DGKB: variants seen among roughly 807,000 people sequenced by gnomAD.
The protein encoded by DGKB is diacylglycerol kinase beta, also known as 90 kDa diacylglycerol kinase.
Under a neutral mutation model 114.3 loss-of-function variants are expected in DGKB, and 67 were observed. The observed-to-expected ratio is 0.59, with a 90% CI of 0.48 to 0.72. The LOEUF (loss-of-function observed/expected upper bound fraction) is 0.72. Among genes scored for constraint, DGKB ranks in the 30% least tolerant of loss-of-function variants. The pLI is 0.00. For missense variants in DGKB, 907 were observed against 975.2 expected (o/e 0.93, Z 0.93); for synonymous variants, 398 against 323.1 (o/e 1.23, Z -2.49).
chr7:14,950,792 A>C (rs1221384714), intron 1 of DGKB, among the ~76,000 whole-genome samples: 1 of 151,966 alleles, frequency 6.6e-6, no homozygotes, highest in Non-Finnish European at 1.5e-5. Context: ...ATACCACAAG[A>C]AAAAGTAGTA....
rs756586445 is a variant in DGKB, at chr7:14,338,499, T to G, written c.2122+16A>C. The G allele has an allele frequency of 6.6e-7, 1 of 1,522,206 alleles. No homozygotes were observed. Among genetic ancestry groups the G allele is most frequent in the East Asian group, 2.3e-5 (1 of 42,820 alleles). 94.3% of individuals were successfully genotyped at this position (1,522,206 alleles called of 1,614,324 possible). ...GGTTAACAAGCAATTTAACAACTAA[T>G]TGTTAGAAAACTGACCTTGACTTGC... On this transcript the variant is annotated intron_variant, in intron 23 of 25. Transcript: ENST00000402815.
chr7:14,949,103 T>G (rs139947371), intron 1 of DGKB, among the ~76,000 whole-genome samples: 1 of 151,788 alleles, frequency 6.6e-6, no homozygotes, highest in African/African-American at 2.4e-5. Flanking sequence ...AAGTGAAATT[T>G]TGCAAGCCAA....
At chr7:14,860,914 AT>A (rs916525844) in intron 1 of DGKB, among the ~76,000 whole-genome samples, 3 of 151,898 alleles carry the variant, frequency 2.0e-5, no homozygotes, top group African/African-American at 7.2e-5. Flanking sequence ...AAGATAATAG[AT>A]TTTTCTGAGA....
chr7:14,783,822 A>G (rs1305399296), intron 2 of DGKB, among the ~76,000 whole-genome samples: 1 of 152,208 alleles, frequency 6.6e-6, no homozygotes, highest in African/African-American at 2.4e-5. Context: ...GATGGCTTCT[A>G]AAGTAGAGAA....
At chr7:14,666,089 G>C (rs1483111132) in intron 13 of DGKB, among the ~76,000 whole-genome samples, 1 of 151,906 alleles carries the variant, frequency 6.6e-6, no homozygotes, top group East Asian at 1.9e-4. Context: ...TTCAATGTTA[G>C]TATAAATTTA....
intron 8 of DGKB, among the ~76,000 whole-genome samples, chr7:14,695,070 T>C (rs998662003): frequency 6.6e-6 from 1 of 152,158 alleles, no homozygotes. Context: ...GCAGAGAGCA[T>C]TGGAACAGAG....
At chr7:14,473,538 C>A (rs1410787569) in intron 21 of DGKB, among the ~76,000 whole-genome samples, 1 of 152,150 alleles carries the variant, frequency 6.6e-6, no homozygotes, top group African/African-American at 2.4e-5. Context: ...TACTGGGGCA[C>A]CACCTAGTGG....
intron 21 of DGKB, among the ~76,000 whole-genome samples, chr7:14,394,552 A>T (rs542411936): frequency 1.3e-5 from 2 of 152,260 alleles, no homozygotes; most frequent in South Asian, 4.1e-4. Flanking sequence ...TCATCAAGGG[A>T]TCCAGTGGCT....
At chr7:14,760,529 C>A (rs528111473) in intron 2 of DGKB, among the ~76,000 whole-genome samples, 20 of 152,138 alleles carry the variant, frequency 1.3e-4, no homozygotes, top group Admixed American at 5.2e-4. Flanking sequence ...TAATAAGGCA[C>A]TATTCTAAGT....
chr7:14,418,670 G>A (rs1826177865), intron 21 of DGKB, among the ~76,000 whole-genome samples: 1 of 151,754 alleles, frequency 6.6e-6, no homozygotes, highest in South Asian at 2.1e-4. Context: ...TGAAAAATGG[G>A]TTAGGCTTGC....
intron 21 of DGKB, among the ~76,000 whole-genome samples, chr7:14,469,354 C>G (rs968781612): frequency 1.3e-5 from 2 of 152,016 alleles, no homozygotes; most frequent in African/African-American, 4.8e-5. Flanking sequence ...GTATTTTATC[C>G]AAGCTTCAGA....
At chr7:14,252,614 G>T (rs1026755269) in intron 23 of DGKB, among the ~76,000 whole-genome samples, 1 of 152,102 alleles carries the variant, frequency 6.6e-6, no homozygotes, top group African/African-American at 2.4e-5. Context: ...TCAACCAGGC[G>T]CCAGGCTCCA....
intron 23 of DGKB, among the ~76,000 whole-genome samples, chr7:14,275,664 G>A (rs1798888651): frequency 6.6e-6 from 1 of 152,146 alleles, no homozygotes; most frequent in Non-Finnish European, 1.5e-5. Context: ...AGCAACAGCT[G>A]AAACAAATAC....
chr7:14,356,530 T>A (rs1814561125), intron 21 of DGKB, among the ~76,000 whole-genome samples: 1 of 151,668 alleles, frequency 6.6e-6, no homozygotes, highest in South Asian at 2.1e-4. Flanking sequence ...CCCAGCTAAT[T>A]TTTTGTATTT....
chr7:14,615,629 T>C (rs1203845431), intron 15 of DGKB, among the ~76,000 whole-genome samples: 1 of 151,818 alleles, frequency 6.6e-6, no homozygotes, highest in East Asian at 1.9e-4. Context: ...AATGATGATA[T>C]TCCACAAGTG....
At chr7:14,951,527 G>A (rs1340231708) in intron 1 of DGKB, among the ~76,000 whole-genome samples, 2 of 151,936 alleles carry the variant, frequency 1.3e-5, no homozygotes, top group African/African-American at 4.8e-5. Flanking sequence ...ATGAACAATC[G>A]AGGCACAGGA....
chr7:14,319,097 T>G (rs1167807716), intron 23 of DGKB, among the ~76,000 whole-genome samples: 1 of 132,878 alleles, frequency 7.5e-6, no homozygotes, highest in East Asian at 2.3e-4. Context: ...TGAGATCACA[T>G]GGACACAGGA....
intron 23 of DGKB, among the ~76,000 whole-genome samples, chr7:14,215,785 C>G (rs537568326): frequency 6.6e-6 from 1 of 152,196 alleles, no homozygotes; most frequent in African/African-American, 2.4e-5. Flanking sequence ...AGTGTTATTT[C>G]TCTGTGCAAT....
At chr7:14,641,361 A>G (rs1304825072) in intron 13 of DGKB, among the ~76,000 whole-genome samples, 1 of 151,912 alleles carries the variant, frequency 6.6e-6, no homozygotes, top group East Asian at 1.9e-4. Context: ...TTACAATACA[A>G]AGATTTGTTG....
Sources: allele counts gnomAD v4.1 joint callset (sites outside exome capture counted in the v4.1 genomes callset), GRCh38; gene constraint gnomAD v4.1.1; transcripts MANE v1.5; gene names NCBI Gene and HGNC (gene_info 2026-07-23, HGNC 2026-07-21).